Variants in LRP1B observed in about 807,000 individuals in gnomAD.
LRP1B encodes the protein LDL receptor related protein 1B, also known as low-density lipoprotein receptor-related protein 1B.
Under a neutral mutation model 556.6 loss-of-function variants are expected in LRP1B, and 217 were observed. The ratio of observed to expected loss-of-function variants is 0.39; its 90% CI spans 0.35 to 0.44. The LOEUF (loss-of-function observed/expected upper bound fraction) is 0.44. Ranked by LOEUF, LRP1B falls within the 20% of genes least tolerant of loss-of-function variation. The probability of loss-of-function intolerance (pLI) is 1.00; values close to 1 mark genes in which losing one functional copy is unlikely to be tolerated. For missense variants in LRP1B, 5,053 were observed against 5,620.8 expected, an observed-to-expected ratio of 0.90 and a Z score of 3.23; for synonymous variants, 2,047 against 1,865.8, an observed-to-expected ratio of 1.10 and a Z score of -2.50.
At chr2:141,150,398 TTCTC>T (rs1205470846) in intron 7 of LRP1B, among the ~76,000 whole-genome samples, 1 of 152,124 alleles carries the variant, frequency 6.6e-6, no homozygotes, top group Non-Finnish European at 1.5e-5. Context: ...TCACAAAACT[TTCTC>T]TATATTTTGT....
intron 32 of LRP1B, among the ~76,000 whole-genome samples, chr2:140,786,960 T>A (rs1425286436): frequency 6.6e-6 from 1 of 152,110 alleles, no homozygotes; most frequent in African/African-American, 2.4e-5. Flanking sequence ...GCTGGGATAT[T>A]TAGAAAATAA....
chr2:141,432,673 T>A (rs1399770281), intron 3 of LRP1B, among the ~76,000 whole-genome samples: 1 of 152,032 alleles, frequency 6.6e-6, no homozygotes, highest in Non-Finnish European at 1.5e-5. Flanking sequence ...ATTTGTATAT[T>A]TCATCTAATT....
chr2:141,922,833 C>T (rs1352564722), intron 1 of LRP1B, among the ~76,000 whole-genome samples: 2 of 152,122 alleles, frequency 1.3e-5, no homozygotes, highest in East Asian at 3.9e-4. Flanking sequence ...GGCGTGGTGG[C>T]TCCTGCCTGT....
chr2:141,895,594 C>A lies in LRP1B; in HGVS notation c.83-85193G>T, dbSNP rs548404042. Among the ~76,000 whole-genome samples the A allele has an allele frequency of 3.9e-5, 6 of 152,218 alleles. No homozygotes were observed. In the East Asian group the frequency reaches 1.2e-3, roughly 29 times the overall value. On this transcript the variant is annotated intron_variant, in intron 1 of 90. Transcript: ENST00000389484. ...TGTTATTCCAATTAAGCAAAGGGCT[C>A]ACCATTTTTTTCCACCCATGAGACT...
chr2:141,529,338 T>C (rs1684795178), intron 2 of LRP1B, among the ~76,000 whole-genome samples: 1 of 152,194 alleles, frequency 6.6e-6, no homozygotes, highest in African/African-American at 2.4e-5. Flanking sequence ...AGATATTTGA[T>C]GTGAAAGATA....
chr2:140,655,796 A>T (rs1684858406), intron 41 of LRP1B, among the ~76,000 whole-genome samples: 1 of 151,868 alleles, frequency 6.6e-6, no homozygotes, highest in South Asian at 2.1e-4. Flanking sequence ...CAAAAAAATT[A>T]GCCGGGCATA....
chr2:141,856,494 A>G (rs1461636446), intron 1 of LRP1B, among the ~76,000 whole-genome samples: 1 of 152,154 alleles, frequency 6.6e-6, no homozygotes, highest in Non-Finnish European at 1.5e-5. Flanking sequence ...GTTTGAAAAC[A>G]ATTAATAGAT....
At chr2:141,054,164 T>C (rs1218633506) in intron 10 of LRP1B, among the ~76,000 whole-genome samples, 1 of 151,952 alleles carries the variant, frequency 6.6e-6, no homozygotes, top group African/African-American at 2.4e-5. Context: ...TTCTAACACA[T>C]TTAGTGATCT....
chr2:142,112,474 T>C (rs961385758), intron 1 of LRP1B, among the ~76,000 whole-genome samples: 2 of 152,036 alleles, frequency 1.3e-5, no homozygotes, highest in African/African-American at 4.8e-5. Context: ...ATTGGAAAAA[T>C]GTAAAATGAG....
chr2:141,837,997 A>G (rs1410719398), intron 1 of LRP1B, among the ~76,000 whole-genome samples: 1 of 152,158 alleles, frequency 6.6e-6, no homozygotes, highest in African/African-American at 2.4e-5. Context: ...CACTAGGAGA[A>G]TAGGAGTAAA....
At chr2:141,026,019 A>G (rs1467643776) in intron 11 of LRP1B, among the ~76,000 whole-genome samples, 5 of 152,074 alleles carry the variant, frequency 3.3e-5, no homozygotes, top group Non-Finnish European at 7.4e-5. Context: ...TTCATTGTGA[A>G]TGGGGAGAAA....
chr2:142,027,134 A>G (rs1703534282), intron 1 of LRP1B, among the ~76,000 whole-genome samples: 3 of 152,006 alleles, frequency 2.0e-5, no homozygotes, highest in Admixed American at 1.3e-4. Context: ...TAAGTCGCAT[A>G]TATCTGGCCA....
At chr2:141,672,440 T>G (rs772294699) in intron 2 of LRP1B, among the ~76,000 whole-genome samples, 1 of 152,184 alleles carries the variant, frequency 6.6e-6, no homozygotes, top group Non-Finnish European at 1.5e-5. Context: ...TATTCTATGC[T>G]ATTTCTAGTC....
In LRP1B at chr2:141,619,819, T is replaced by C. The variant is rs143710187; in HGVS notation, c.206-139286A>G. 6.7e-4 allele frequency among the ~76,000 whole-genome samples: 102 copies of C among 152,276 alleles called. 1 individual carries two copies. The highest frequency in any genetic ancestry group is 2.3e-3 in the African/African-American group (94 of 41,550). On this transcript the variant is annotated intron_variant, in intron 2 of 90. Transcript: ENST00000389484. ...TTTTATTTATCTCTTAAGGAAGCAA[T>C]ACCTTCTGATAGAACTGTAAGTTGA...
chr2:140,646,797 AATAC>A (rs1477597575), intron 41 of LRP1B, among the ~76,000 whole-genome samples: 2 of 152,102 alleles, frequency 1.3e-5, no homozygotes, highest in Non-Finnish European at 2.9e-5. Context: ...TATATGAGCA[AATAC>A]ATACATATGT....
chr2:140,654,637 C>T (rs1684811797), intron 41 of LRP1B, among the ~76,000 whole-genome samples: 1 of 152,062 alleles, frequency 6.6e-6, no homozygotes, highest in South Asian at 2.1e-4. Flanking sequence ...ATTACTAATT[C>T]AGAAGATTTT....
intron 6 of LRP1B, among the ~76,000 whole-genome samples, chr2:141,200,154 G>A (rs940549521): frequency 7.9e-5 from 12 of 152,130 alleles, no homozygotes; most frequent in African/African-American, 2.7e-4. Flanking sequence ...ATTCACAATA[G>A]CAAAGACGTG....
chr2:141,186,208 G>T (rs1330949158), intron 7 of LRP1B, among the ~76,000 whole-genome samples: 1 of 151,630 alleles, frequency 6.6e-6, no homozygotes, highest in East Asian at 1.9e-4. Context: ...AGTTAGGTCA[G>T]ATTATTAATA....
At chr2:140,918,017 A>C (rs546846232) in intron 21 of LRP1B, among the ~76,000 whole-genome samples, 1 of 152,242 alleles carries the variant, frequency 6.6e-6, no homozygotes, top group East Asian at 1.9e-4. Context: ...TCTAAAATAT[A>C]AAGTCTATTT....
Sources: gnomAD v4.1 joint callset for allele counts (sites outside exome capture counted in the v4.1 genomes callset) on GRCh38, gnomAD v4.1.1 for gene constraint, MANE v1.5 for transcripts, NCBI Gene and HGNC (gene_info 2026-07-23, HGNC 2026-07-21) for gene names.